Variants in NUP93 observed in about 807,000 individuals in gnomAD.
The protein encoded by NUP93 is nucleoporin 93.
A neutral mutation model predicts 107.8 loss-of-function variants in NUP93; 55 were observed. That is an observed-to-expected ratio of 0.51 (90% CI 0.41 to 0.64). The LOEUF (loss-of-function observed/expected upper bound fraction) is 0.64, where lower values mean the gene tolerates loss of function less well. Ranked by LOEUF, NUP93 falls within the 30% of genes least tolerant of loss-of-function variation. The probability of loss-of-function intolerance (pLI) is 0.00; values close to 1 mark genes in which losing one functional copy is unlikely to be tolerated. For synonymous variants in NUP93, 390 were observed against 397.5 expected (o/e 0.98, Z 0.22); for missense variants, 937 against 1,044.7 (o/e 0.90, Z 1.42).
chr16:56,833,035 A>G (rs1963827790), intron 12 of NUP93, among the ~76,000 whole-genome samples, 180 bp from the exon 13 acceptor site: 1 of 152,206 alleles, frequency 6.6e-6, no homozygotes, highest in African/African-American at 2.4e-5. Flanking sequence ...GAGCCAGGTC[A>G]CATTTCACAT....
At chr16:56,732,577 G>A (rs1267625635) in intron 1 of NUP93, among the ~76,000 whole-genome samples, 8 of 152,186 alleles carry the variant, frequency 5.3e-5, no homozygotes, top group Non-Finnish European at 7.4e-5. Flanking sequence ...TGCAAAGACC[G>A]TGCAGTGTGA....
chr16:56,839,745 A>G, intron 20 of NUP93, 141 bp downstream of exon 20: 1 of 701,796 alleles, frequency 1.4e-6, no homozygotes, highest in Non-Finnish European at 2.5e-6. Context: ...GTTCCCTTTC[A>G]GATACCTTGG....
chr16:56,826,551 A>C (rs1333486300), intron 8 of NUP93, among the ~76,000 whole-genome samples: 10 of 151,520 alleles, frequency 6.6e-5, no homozygotes, highest in Admixed American at 6.6e-4. Flanking sequence ...AATGATGGGG[A>C]ACTCATTAAC....
At chr16:56,747,531 T>TGGA (rs1223865345) in intron 1 of NUP93, among the ~76,000 whole-genome samples, 4 of 151,618 alleles carry the variant, frequency 2.6e-5, no homozygotes, top group African/African-American at 9.7e-5. Context: ...AATGTGTGAA[T>TGGA]GGAGACCTGG....
In NUP93 at chr16:56,798,465, C is replaced by T. The variant is rs1962946780; in HGVS notation, c.298-11C>T. ...TAATTTTAAGTTGTGTTAATTTTCC[C>T]CCATTTATAGGGCTTCCTGAAGAAT... is the stretch of plus-strand genomic sequence containing the variant. On this transcript the variant is annotated splice_polypyrimidine_tract_variant and intron_variant, in intron 3 of 21. Transcript: ENST00000308159. 1.9e-6 allele frequency: 3 copies of T among 1,612,258 alleles called. No homozygotes were observed. Among genetic ancestry groups the T allele is most frequent in the Non-Finnish European group, 2.5e-6 (3 of 1,178,464 alleles).
Position 56,823,075 on chromosome 16 carries a change from G to T in NUP93, c.655-632G>T, listed in dbSNP as rs1206239136. 4.6e-5 allele frequency among the ~76,000 whole-genome samples: 7 copies of T among 152,304 alleles called. No homozygotes were observed. The East Asian group carries it at 1.4e-3, about 29-fold the overall frequency. On this transcript the variant is annotated intron_variant, in intron 7 of 21. Transcript: ENST00000308159. Reference sequence around the variant, plus strand: ...TTAAGGAGCCATTTACAGGCAGAAGGATTCTGGGGAGAGGGAGTCCCAGCT... The same window carrying T: ...TTAAGGAGCCATTTACAGGCAGAAGTATTCTGGGGAGAGGGAGTCCCAGCT...
At position 56,846,113 on chromosome 16, in the gene NUP93, TAA is replaced by T. The variant is rs1425514213; in HGVS notation, c.*1509_*1510del. 1 of 152,186 alleles carries T rather than the reference TAA, an allele frequency of 6.6e-6. No individual in the cohort carries two copies. Among genetic ancestry groups the T allele is most frequent in the African/African-American group, 2.4e-5 (1 of 41,426 alleles). The allele number at this position is 152,186 out of a possible 1,614,324, so 9.4% of individuals were successfully genotyped here. On this transcript the variant is annotated 3_prime_UTR_variant, in exon 22 of 22. Transcript: ENST00000308159. ...AATCAAATGATTTAATAGTGCTTTT[TAA>T]AAAAGAGTACTCCTGGCCGGGTGGG...
intron 21 of NUP93, among the ~76,000 whole-genome samples, chr16:56,843,338 C>T (rs904359267): frequency 6.6e-6 from 1 of 152,162 alleles, no homozygotes; most frequent in African/African-American, 2.4e-5. Flanking sequence ...GCTTACAGTT[C>T]AGTGGGGCTT....
chr16:56,830,132 A>G lies in NUP93; in HGVS notation c.928-396A>G, dbSNP rs1030239180. Reference sequence around the variant, plus strand: ...CTATAAGGATAGTCTCTTACTGGTCAGTGACATCTTTAGCCTTTGCTTTGT... The same window carrying G: ...CTATAAGGATAGTCTCTTACTGGTCGGTGACATCTTTAGCCTTTGCTTTGT... On this transcript the variant is annotated intron_variant, in intron 9 of 21. Transcript: ENST00000308159. Among the ~76,000 whole-genome samples, 4 of 152,250 alleles carry G rather than the reference A, an allele frequency of 2.6e-5. No individual in the cohort carries two copies. In the East Asian group the frequency reaches 5.8e-4, roughly 22 times the overall value.
At chr16:56,830,463 T>C in intron 9 of NUP93, 65 bp from the exon 10 acceptor site, 1 of 1,464,420 alleles carries the variant, frequency 6.8e-7, no homozygotes, top group Non-Finnish European at 9.2e-7. Context: ...AGCTCGGTTT[T>C]AGCACATATG....
chr16:56,754,512 C>A (rs1961981976), intron 2 of NUP93, among the ~76,000 whole-genome samples: 3 of 152,234 alleles, frequency 2.0e-5, no homozygotes, highest in Admixed American at 6.5e-5. Context: ...CTCCAAGATA[C>A]AATGGGGGTA....
chr16:56,836,730 C>T lies in NUP93; in HGVS notation c.1899+13C>T, dbSNP rs1416543451. 3.9e-6 allele frequency: 6 copies of T among 1,546,420 alleles called. No individual in the cohort carries two copies. Among genetic ancestry groups the T allele is most frequent in the Non-Finnish European group, 5.4e-6 (6 of 1,119,876 alleles). On this transcript the variant is annotated intron_variant, in intron 17 of 21. Coordinates refer to ENST00000308159, the MANE Select transcript of NUP93 (RefSeq NM_014669.5). ...TGACCTTGCCAAGGTAAAGTGTGCCCACTTCCTTCTTTTGCACTTCACAGG... is the reference window on the plus strand; with the variant it reads ...TGACCTTGCCAAGGTAAAGTGTGCCTACTTCCTTCTTTTGCACTTCACAGG...
At chr16:56,740,136 C>T (rs1283529356) in intron 1 of NUP93, among the ~76,000 whole-genome samples, 3 of 146,744 alleles carry the variant, frequency 2.0e-5, no homozygotes, top group Non-Finnish European at 3.0e-5. Flanking sequence ...GACCCCCCCA[C>T]CTCCCTCCCG....
At chr16:56,802,222 TGTAGG>T (rs1480787548) in intron 4 of NUP93, among the ~76,000 whole-genome samples, 1 of 152,196 alleles carries the variant, frequency 6.6e-6, no homozygotes, top group Non-Finnish European at 1.5e-5. Context: ...TTGACCACTA[TGTAGG>T]AAAGTTTTAG....
chr16:56,832,029 C>G (rs1963802693), intron 11 of NUP93, 22 bp downstream of exon 11: 1 of 1,613,062 alleles, frequency 6.2e-7, no homozygotes, highest in Non-Finnish European at 8.5e-7. Context: ...TTCCCCTGCC[C>G]ACATAGGGCT....
chr16:56,784,322 A>T (rs1962579671), intron 3 of NUP93, among the ~76,000 whole-genome samples: 1 of 152,194 alleles, frequency 6.6e-6, no homozygotes, highest in African/African-American at 2.4e-5. Context: ...TTCCGGGTTA[A>T]TGACCTATAA....
intron 6 of NUP93, among the ~76,000 whole-genome samples, chr16:56,819,539 C>G (rs1963501405): frequency 6.6e-6 from 1 of 152,178 alleles, no homozygotes; most frequent in East Asian, 1.9e-4. Context: ...AGGGGGGACC[C>G]AGGGGTCCCA....
At chr16:56,824,287 TG>T (rs1258069320) in intron 8 of NUP93, among the ~76,000 whole-genome samples, 1 of 152,106 alleles carries the variant, frequency 6.6e-6, no homozygotes, top group East Asian at 1.9e-4. Flanking sequence ...TGACTCTACT[TG>T]GTTAATTCCC....
At chr16:56,778,592 T>A (rs1490967876) in intron 3 of NUP93, among the ~76,000 whole-genome samples, 1 of 152,084 alleles carries the variant, frequency 6.6e-6, no homozygotes, top group Non-Finnish European at 1.5e-5. Context: ...GTGAGGGACA[T>A]TTGGGATAAA....
Sources: allele counts gnomAD v4.1 joint callset (sites outside exome capture counted in the v4.1 genomes callset), GRCh38; gene constraint gnomAD v4.1.1; transcripts MANE v1.5; gene names NCBI Gene and HGNC (gene_info 2026-07-23, HGNC 2026-07-21).